The following DOCK4 variants were observed in gnomAD, a reference collection of about 807,000 sequenced individuals.
DOCK4 encodes dedicator of cytokinesis protein 4.
DOCK4 carries 97 observed loss-of-function variants against 268.1 expected under a neutral mutation model. The ratio of observed to expected loss-of-function variants is 0.36; its 90% confidence interval spans 0.31 to 0.43. DOCK4 has a LOEUF of 0.43. Among genes scored for constraint, DOCK4 ranks in the 20% least tolerant of loss-of-function variants. DOCK4 has a pLI of 1.00. For synonymous variants in DOCK4, 954 were observed against 887.2 expected, an observed-to-expected ratio of 1.08 and a Z score of -1.34; for missense variants, 2,145 against 2,455.7, an observed-to-expected ratio of 0.87 and a Z score of 2.67.
intron 1 of DOCK4, among the ~76,000 whole-genome samples, chr7:112,061,174 C>T (rs190518006): frequency 2.6e-5 from 4 of 152,158 alleles, no homozygotes; most frequent in Non-Finnish European, 5.9e-5. Context: ...ATGAGGACCA[C>T]AGATGTGTAA....
At chr7:111,764,611 A>C (rs538670256) in intron 39 of DOCK4, among the ~76,000 whole-genome samples, 5 of 152,294 alleles carry the variant, frequency 3.3e-5, no homozygotes, top group African/African-American at 1.2e-4. Context: ...AATGTCTAAA[A>C]GTTTTCTCTT....
rs1799046086 is a variant in DOCK4 at position 111,784,702 on chromosome 7, A to G, written c.3402-579T>C. 5.9e-5 allele frequency among the ~76,000 whole-genome samples: 9 copies of G among 152,328 alleles called. No homozygotes were observed. In the South Asian group the frequency reaches 1.9e-3, roughly 32 times the overall value. On this transcript the variant is annotated intron_variant, in intron 32 of 52. Transcript: ENST00000428084. ...ACACAAAATAATAACAATCATGATA[A>G]TTACAATCTGTGTCACTTTCACTCC...
At chr7:112,074,287 T>C (rs1807864306) in intron 1 of DOCK4, among the ~76,000 whole-genome samples, 1 of 152,162 alleles carries the variant, frequency 6.6e-6, no homozygotes, top group South Asian at 2.1e-4. Flanking sequence ...CATCCACAGG[T>C]TAGATTTTTT....
At chr7:112,046,190 T>C (rs979260206) in intron 1 of DOCK4, among the ~76,000 whole-genome samples, 8 of 152,202 alleles carry the variant, frequency 5.3e-5, no homozygotes, top group African/African-American at 1.9e-4. Context: ...AAAGCAATCC[T>C]AGCCCATTCT....
In DOCK4 at chr7:111,876,952, G is replaced by A. The variant is rs950388588; in HGVS notation, c.1744+78C>T. ...TTCTAAAGTTCTTAACTATCACTTT[G>A]GTGTTTACTGAATATGCTTACCAAA... On this transcript the variant is annotated intron_variant, in intron 17 of 52. Coordinates refer to ENST00000428084, the MANE Select transcript of DOCK4 (RefSeq NM_001363540.2). The A allele has an allele frequency of 2.5e-6, 3 of 1,207,950 alleles. No homozygotes were observed. The South Asian group carries it at 1.0e-4, about 42-fold the overall frequency. 74.8% of individuals were successfully genotyped at this position (1,207,950 alleles called of 1,614,324 possible).
At chr7:111,747,162 T>C (rs1285582420) in intron 43 of DOCK4, 105 bp downstream of exon 43, 1 of 1,054,590 alleles carries the variant, frequency 9.5e-7, no homozygotes, top group African/African-American at 1.6e-5. Flanking sequence ...ATCGCAGCCC[T>C]ATGTTTGCGT....
chr7:111,868,785 GTT>G (rs1040020612), intron 21 of DOCK4, among the ~76,000 whole-genome samples: 17 of 152,066 alleles, frequency 1.1e-4, no homozygotes, highest in African/African-American at 4.1e-4. Context: ...ACCCTCAGAT[GTT>G]TTTTAAATTT....
intron 1 of DOCK4, among the ~76,000 whole-genome samples, chr7:112,184,738 C>A (rs1819349106): frequency 6.6e-6 from 1 of 151,988 alleles, no homozygotes; most frequent in Admixed American, 6.6e-5. Context: ...CTTGTGAAGC[C>A]TTTCTGCTCT....
chr7:112,192,376 G>A (rs1416708167), intron 1 of DOCK4, among the ~76,000 whole-genome samples: 3 of 152,234 alleles, frequency 2.0e-5, no homozygotes, highest in East Asian at 1.9e-4. Context: ...TATCTTGGGC[G>A]ATCTTAGCAG....
At chr7:112,022,122 A>G (rs972691258) in intron 1 of DOCK4, among the ~76,000 whole-genome samples, 5 of 152,182 alleles carry the variant, frequency 3.3e-5, no homozygotes, top group East Asian at 1.9e-4. Context: ...TTCACATGCA[A>G]TCTCCTCTGT....
intron 1 of DOCK4, among the ~76,000 whole-genome samples, chr7:112,058,776 T>C (rs1302308976): frequency 6.6e-6 from 1 of 152,164 alleles, no homozygotes; most frequent in Non-Finnish European, 1.5e-5. Flanking sequence ...GTGAGTTCTA[T>C]GGGTACACAA....
Position 112,004,039 on chromosome 7 carries a change from G to GCTA in DOCK4, c.121+6_121+8dup. 1 of 1,591,062 alleles carries GCTA rather than the reference G, an allele frequency of 6.3e-7. No homozygotes were observed. The highest frequency in any genetic ancestry group is 8.6e-7 in the Non-Finnish European group (1 of 1,166,682). On this transcript the variant is annotated intron_variant, in intron 2 of 52. Transcript: ENST00000428084. ...GTATGTTGAGGAGGTTGTTCATAAG[G>GCTA]CTACTCACCATCACACTTCTCCAGG...
intron 1 of DOCK4, among the ~76,000 whole-genome samples, chr7:112,097,103 G>A (rs1023192564): frequency 4.6e-5 from 7 of 152,120 alleles, no homozygotes; most frequent in African/African-American, 1.7e-4. Context: ...CTAAGTTAAT[G>A]GAACCCAAAT....
intron 1 of DOCK4, among the ~76,000 whole-genome samples, chr7:112,034,913 A>G (rs1803613444): frequency 6.6e-6 from 1 of 152,162 alleles, no homozygotes; most frequent in Non-Finnish European, 1.5e-5. Context: ...CAAAACAAAC[A>G]AACAAACAAA....
At position 112,040,629 on chromosome 7, in the gene DOCK4, G is replaced by A. The variant is rs146189168; in HGVS notation, c.38-36498C>T. On this transcript the variant is annotated intron_variant, in intron 1 of 52. Transcript: ENST00000428084. ...TAAACCAACACACACATTTCAGTAA[G>A]TACAGAAGATGCCGAGGCACAGTGA... Among the ~76,000 whole-genome samples the A allele has an allele frequency of 5.9e-5, 9 of 152,128 alleles. No homozygotes were observed. In the East Asian group the frequency reaches 1.7e-3, roughly 29 times the overall value.
intron 13 of DOCK4, among the ~76,000 whole-genome samples, chr7:111,903,468 T>G (rs1229344259): frequency 2.0e-5 from 3 of 152,216 alleles, no homozygotes; most frequent in African/African-American, 7.2e-5. Flanking sequence ...TTCAACACTT[T>G]AAAAATTATA....
At chr7:111,923,811 T>C (rs374644231) in intron 12 of DOCK4, among the ~76,000 whole-genome samples, 1 of 152,358 alleles carries the variant, frequency 6.6e-6, no homozygotes, top group African/African-American at 2.4e-5. Context: ...TCCATTGCAT[T>C]TACCCCTTGG....
At chr7:112,125,205 C>T (rs537856424) in intron 1 of DOCK4, among the ~76,000 whole-genome samples, 4 of 152,104 alleles carry the variant, frequency 2.6e-5, no homozygotes, top group South Asian at 2.1e-4. Context: ...TACAGTGTGT[C>T]GGGAAAATCA....
intron 1 of DOCK4, among the ~76,000 whole-genome samples, chr7:112,015,496 C>G (rs915373379): frequency 1.3e-5 from 2 of 152,300 alleles, no homozygotes; most frequent in East Asian, 1.9e-4. Flanking sequence ...TCACTTTGCT[C>G]GGTGGACTTG....
Sources: gnomAD v4.1 joint callset for allele counts (sites outside exome capture counted in the v4.1 genomes callset) on GRCh38, gnomAD v4.1.1 for gene constraint, MANE v1.5 for transcripts, NCBI Gene and HGNC (gene_info 2026-07-23, HGNC 2026-07-21) for gene names.